FAM78B: variants seen among roughly 807,000 people sequenced by gnomAD.
The protein encoded by FAM78B is protein FAM78B.
Under a neutral mutation model 20.0 loss-of-function variants are expected in FAM78B, and 10 were observed. That is an observed-to-expected ratio of 0.50 (90% CI 0.31 to 0.85). The LOEUF is 0.85. Ranked by LOEUF, FAM78B falls within the 40% of genes least tolerant of loss-of-function variation. The pLI is 0.05. For synonymous variants in FAM78B, 135 were observed against 132.8 expected (o/e 1.02, Z -0.12); for missense variants, 283 against 345.0 (o/e 0.82, Z 1.42).
intron 1 of FAM78B, among the ~76,000 whole-genome samples, chr1:166,105,683 G>A (rs1170191691): frequency 7.2e-5 from 11 of 152,098 alleles, no homozygotes; most frequent in Non-Finnish European, 1.3e-4. Flanking sequence ...TTAGAATGGT[G>A]ATCATTAAAA....
chr1:166,156,771 G>A (rs1156954089), intron 1 of FAM78B, among the ~76,000 whole-genome samples: 6 of 152,074 alleles, frequency 3.9e-5, no homozygotes, highest in African/African-American at 1.4e-4. Flanking sequence ...AGCATGAACA[G>A]CATGGCTCAC....
At chr1:166,118,402 C>T (rs1360069260) in intron 1 of FAM78B, among the ~76,000 whole-genome samples, 2 of 152,146 alleles carry the variant, frequency 1.3e-5, no homozygotes, top group African/African-American at 4.8e-5. Flanking sequence ...TTCAGTTAAT[C>T]ACATAGCAAA....
chr1:166,067,743 C>T (rs1452619764), downstream of FAM78B, among the ~76,000 whole-genome samples: 1 of 152,118 alleles, frequency 6.6e-6, no homozygotes, highest in Admixed American at 6.5e-5. Context: ...GCTGAGACAC[C>T]CAACTGTAGA....
chr1:166,147,216 G>A (rs551059422), intron 1 of FAM78B, among the ~76,000 whole-genome samples: 2 of 152,316 alleles, frequency 1.3e-5, no homozygotes, highest in African/African-American at 4.8e-5. Flanking sequence ...GGTTGTGTGT[G>A]TGGTGAGCAC....
intron 1 of FAM78B, among the ~76,000 whole-genome samples, chr1:166,085,227 C>T (rs150426284): frequency 3.2e-4 from 48 of 152,226 alleles, no homozygotes; most frequent in Admixed American, 2.2e-3. Flanking sequence ...TGTAAAGACA[C>T]GACTAGTTTT....
intron 1 of FAM78B, among the ~76,000 whole-genome samples, chr1:166,098,914 C>T (rs576678868): frequency 3.3e-5 from 5 of 152,200 alleles, no homozygotes; most frequent in Admixed American, 6.5e-5. Context: ...AAATTCATCA[C>T]GAAAAGATCT....
intron 1 of FAM78B, among the ~76,000 whole-genome samples, chr1:166,145,553 G>T (rs1355886309): frequency 1.3e-5 from 2 of 152,228 alleles, no homozygotes; most frequent in East Asian, 3.8e-4. Flanking sequence ...GAGGGGAAGG[G>T]ATGAGTCAGA....
chr1:166,122,093 C>G (rs907242476), intron 1 of FAM78B, among the ~76,000 whole-genome samples: 2 of 152,212 alleles, frequency 1.3e-5, no homozygotes, highest in Non-Finnish European at 2.9e-5. Flanking sequence ...AGTAGGTTTG[C>G]TGAAGCACCA....
At chr1:166,120,277 G>C (rs1654417952) in intron 1 of FAM78B, among the ~76,000 whole-genome samples, 1 of 152,206 alleles carries the variant, frequency 6.6e-6, no homozygotes, top group Non-Finnish European at 1.5e-5. Context: ...TTAAGTAACT[G>C]GTCCAAAGGC....
intron 1 of FAM78B, among the ~76,000 whole-genome samples, chr1:166,111,019 A>G (rs910698171): frequency 6.6e-6 from 1 of 152,212 alleles, no homozygotes; most frequent in African/African-American, 2.4e-5. Context: ...AATGACCAAT[A>G]TGAACTACCA....
chr1:166,107,162 G>T (rs10918360), intron 1 of FAM78B, among the ~76,000 whole-genome samples: 29,670 of 151,800 alleles, frequency 0.2, 3,305 homozygotes, highest in East Asian at 0.38. Context: ...AGAGCAGAAC[G>T]AAATAAAATT....
rs11286787 is a variant in FAM78B, at chr1:166,092,032, ATTTTTTTT to A, written c.264-21277_264-21270del. ...GTGTGGTTAACATGATTGAGCCATC[ATTTTTTTT>A]TTTTTTTTTTGCAAAACAAAAAGTG... On this transcript the variant is annotated intron_variant, in intron 1 of 1. Coordinates refer to ENST00000354422, the MANE Select transcript of FAM78B (RefSeq NM_001017961.5). 8.8e-3 allele frequency among the ~76,000 whole-genome samples: 1,103 copies of A among 126,024 alleles called. 21 individuals are homozygous for A. Among genetic ancestry groups the A allele is most frequent in the African/African-American group, 0.031 (1,032 of 33,560 alleles). The allele number at this position is 126,024 out of a possible 152,430, so 82.7% of individuals were successfully genotyped here. A position where few individuals can be genotyped will look rare whatever the true frequency, so the allele number is the denominator to read the frequency against.
intron 1 of FAM78B, among the ~76,000 whole-genome samples, chr1:166,096,731 G>A (rs1300073818): frequency 2.6e-5 from 4 of 152,146 alleles, no homozygotes; most frequent in Non-Finnish European, 4.4e-5. Context: ...TACCTACTAT[G>A]GCAGCTATGC....
intron 1 of FAM78B, among the ~76,000 whole-genome samples, chr1:166,135,117 C>T (rs951966212): frequency 6.6e-6 from 1 of 152,236 alleles, no homozygotes; most frequent in Non-Finnish European, 1.5e-5. Flanking sequence ...AAGTTCAGTC[C>T]ACCTACAGAG....
intron 1 of FAM78B, among the ~76,000 whole-genome samples, chr1:166,130,340 CG>C (rs1192070283): frequency 1.3e-5 from 2 of 152,190 alleles, no homozygotes; most frequent in Non-Finnish European, 2.9e-5. Flanking sequence ...TCTGCTTCTA[CG>C]TAAGTATAGA....
chr1:166,110,325 C>T (rs1654002802), intron 1 of FAM78B, among the ~76,000 whole-genome samples: 1 of 152,068 alleles, frequency 6.6e-6, no homozygotes, highest in Non-Finnish European at 1.5e-5. Flanking sequence ...CTGCTATTCC[C>T]TGGGTATCAT....
At chr1:166,088,193 T>C (rs1459395028) in intron 1 of FAM78B, among the ~76,000 whole-genome samples, 10 of 152,180 alleles carry the variant, frequency 6.6e-5, no homozygotes, top group Non-Finnish European at 1.5e-4. Flanking sequence ...GGGGAACAGC[T>C]ATGCAACAGA....
At chr1:166,145,029 C>T (rs959557482) in intron 1 of FAM78B, among the ~76,000 whole-genome samples, 29 of 152,166 alleles carry the variant, frequency 1.9e-4, no homozygotes, top group African/African-American at 6.8e-4. Flanking sequence ...ATACATCAGT[C>T]CCCAGTTCCT....
chr1:166,070,637 C>T lies in FAM78B; in HGVS notation c.390G>A (p.Lys130=). The T allele has an allele frequency of 6.2e-7, 1 of 1,613,824 alleles. No individual in the cohort carries two copies. The highest frequency in any genetic ancestry group is 8.5e-7 in the Non-Finnish European group (1 of 1,180,032). Residue 130 remains lysine, a synonymous_variant, in exon 2 of 2, where the codon AAG becomes AAA. Coordinates refer to ENST00000354422, the MANE Select transcript of FAM78B (RefSeq NM_001017961.5). ...ETVTLVGPTN[K]ISRFSVSMND... ...TCATGCTGACGGAGAACCTGGAGAT[C>T]TTGTTGGTGGGGCCAACCAGGGTCA...
Sources: gnomAD v4.1 joint callset for allele counts (sites outside exome capture counted in the v4.1 genomes callset) on GRCh38, gnomAD v4.1.1 for gene constraint, MANE v1.5 for transcripts, NCBI Gene and HGNC (gene_info 2026-07-23, HGNC 2026-07-21) for gene names.